The following MED27 variants were observed in gnomAD, a reference collection of about 807,000 sequenced individuals.
MED27 encodes mediator complex subunit 27.
MED27 carries 30 observed loss-of-function variants against 38.2 expected under a neutral mutation model. The ratio of observed to expected loss-of-function variants is 0.79; its 90% CI spans 0.59 to 1.07. The LOEUF (loss-of-function observed/expected upper bound fraction) is 1.07, where lower values mean the gene tolerates loss of function less well. MED27 is among the 50% of genes least tolerant of loss of function. The pLI is 0.00. For synonymous variants in MED27, 122 were observed against 153.5 expected, an observed-to-expected ratio of 0.79 and a Z score of 1.52; for missense variants, 289 against 397.5, an observed-to-expected ratio of 0.73 and a Z score of 2.32.
chr9:131,994,396 TA>T lies in MED27; in HGVS notation c.479+19940del, dbSNP rs1832046605. On this transcript the variant is annotated intron_variant, in intron 3 of 7. Transcript: ENST00000292035. ...GCCTCCCCCACCCCCAATACTGCAT[TA>T]AAAACCAATATTGCATCCCAGGGCA... is the stretch of plus-strand genomic sequence containing the variant. Among the ~76,000 whole-genome samples the T allele has an allele frequency of 1.2e-4, 18 of 152,226 alleles. No homozygotes were observed. The South Asian group carries it at 3.3e-3, about 28-fold the overall frequency.
At chr9:131,974,511 A>C (rs1288208215) in intron 3 of MED27, among the ~76,000 whole-genome samples, 2 of 152,182 alleles carry the variant, frequency 1.3e-5, no homozygotes, top group Non-Finnish European at 2.9e-5. Context: ...GTGTTTTCAG[A>C]GTGAGAAGGG....
At chr9:131,964,928 T>C (rs1223531977) in intron 3 of MED27, among the ~76,000 whole-genome samples, 1 of 152,264 alleles carries the variant, frequency 6.6e-6, no homozygotes, top group Non-Finnish European at 1.5e-5. Flanking sequence ...TGTATTTACA[T>C]GCCTACACCT....
chr9:131,939,579 A>G, intron 3 of MED27, 105 bp from the exon 4 acceptor site: 1 of 630,552 alleles, frequency 1.6e-6, no homozygotes, highest in Non-Finnish European at 2.5e-6. Flanking sequence ...TTAAATCAAT[A>G]TAACACATTT....
At chr9:132,015,548 C>G (rs1031352894) in intron 2 of MED27, among the ~76,000 whole-genome samples, 11 of 152,218 alleles carry the variant, frequency 7.2e-5, no homozygotes, top group African/African-American at 2.4e-4. Context: ...ATGTATATAC[C>G]TGTATAACTA....
chr9:131,948,820 A>G (rs1830933677), intron 3 of MED27, among the ~76,000 whole-genome samples: 1 of 152,210 alleles, frequency 6.6e-6, no homozygotes, highest in Non-Finnish European at 1.5e-5. Flanking sequence ...GCAGCAGTAG[A>G]TGGGGAGCTT....
intron 3 of MED27, among the ~76,000 whole-genome samples, chr9:131,947,259 C>T (rs961760543): frequency 1.3e-5 from 2 of 152,140 alleles, no homozygotes; most frequent in Admixed American, 1.3e-4. Flanking sequence ...CAACAGCAAC[C>T]AGAGAACTCC....
At chr9:132,039,551 G>A (rs1833161808) in intron 2 of MED27, among the ~76,000 whole-genome samples, 1 of 152,190 alleles carries the variant, frequency 6.6e-6, no homozygotes. Flanking sequence ...CGAAAAGAAG[G>A]TTGGGTCTCA....
intron 2 of MED27, among the ~76,000 whole-genome samples, chr9:132,034,824 T>C (rs1833040176): frequency 6.6e-6 from 1 of 152,166 alleles, no homozygotes; most frequent in African/African-American, 2.4e-5. Flanking sequence ...TAGGTCTTCA[T>C]TATAAAACAT....
intron 3 of MED27, among the ~76,000 whole-genome samples, chr9:131,964,740 A>T (rs2131004062): frequency 6.6e-6 from 1 of 152,358 alleles, no homozygotes; most frequent in East Asian, 1.9e-4. Flanking sequence ...TGGAAGGCAT[A>T]ATGTTTAAGC....
At chr9:131,896,655 CA>C (rs1829837344) in intron 4 of MED27, among the ~76,000 whole-genome samples, 1 of 152,066 alleles carries the variant, frequency 6.6e-6, no homozygotes. Flanking sequence ...TACTTCCTTT[CA>C]ATCATTTTAT....
rs561264763 is a variant in MED27 at position 131,954,296 on chromosome 9, G to A, written c.480-14822C>T. ...GGGAATGTGTGATGTGAGCACAGGAGGAGGGCCTCCTTGATAGAAAATGTC... is the reference window on the plus strand; with the variant it reads ...GGGAATGTGTGATGTGAGCACAGGAAGAGGGCCTCCTTGATAGAAAATGTC... On this transcript the variant is annotated intron_variant, in intron 3 of 7. Coordinates refer to ENST00000292035, the MANE Select transcript of MED27 (RefSeq NM_004269.4). Among the ~76,000 whole-genome samples the A allele has an allele frequency of 6.6e-5, 10 of 152,258 alleles. No individual in the cohort carries two copies. The East Asian group carries it at 1.5e-3, about 24-fold the overall frequency.
chr9:132,050,747 C>T (rs1043492116), intron 2 of MED27, among the ~76,000 whole-genome samples: 6 of 152,178 alleles, frequency 3.9e-5, no homozygotes, highest in Non-Finnish European at 7.3e-5. Context: ...TGCCCCCAAC[C>T]CCATCAAAGG....
Position 131,860,853 on chromosome 9 carries a change from G to A in MED27, c.802-181C>T, listed in dbSNP as rs1299025684. On this transcript the variant is annotated intron_variant, in intron 7 of 7. Coordinates refer to ENST00000292035, the MANE Select transcript of MED27 (RefSeq NM_004269.4). This position sits in a 1 kb window ranked among gnomAD's most constrained non-coding sequence, Gnocchi z 5.8. ...AGGTCACCTGACTGCTGATGTTCAC[G>A]TCTGATGCTCGCGTGCCCCTCCTAA... Among the ~76,000 whole-genome samples the A allele has an allele frequency of 5.9e-5, 9 of 152,134 alleles. No homozygotes were observed. Among genetic ancestry groups the A allele is most frequent in the South Asian group, 2.1e-4 (1 of 4,826 alleles).
intron 3 of MED27, among the ~76,000 whole-genome samples, chr9:131,986,151 C>A (rs941472731): frequency 6.6e-6 from 1 of 152,052 alleles, no homozygotes; most frequent in Non-Finnish European, 1.5e-5. Context: ...TAATTTATTA[C>A]GGAAGAAAAA....
intron 4 of MED27, among the ~76,000 whole-genome samples, chr9:131,907,791 G>A (rs1342778969): frequency 2.0e-5 from 3 of 151,284 alleles, no homozygotes; most frequent in South Asian, 2.1e-4. Flanking sequence ...CTTCCCGGCC[G>A]CCATCACATC....
At chr9:131,987,926 G>A (rs1403909796) in intron 3 of MED27, among the ~76,000 whole-genome samples, 1 of 152,216 alleles carries the variant, frequency 6.6e-6, no homozygotes, top group Non-Finnish European at 1.5e-5. Context: ...AGAGTCTCCA[G>A]TTCCACAAAG....
At chr9:131,869,762 C>T (rs1589170320) in intron 6 of MED27, among the ~76,000 whole-genome samples, 1 of 152,242 alleles carries the variant, frequency 6.6e-6, no homozygotes, top group East Asian at 1.9e-4. Flanking sequence ...AGGGGTTTCA[C>T]TGGGAGGCGC....
intron 2 of MED27, among the ~76,000 whole-genome samples, chr9:132,020,630 T>C (rs759444843): frequency 6.6e-6 from 1 of 152,216 alleles, no homozygotes; most frequent in East Asian, 1.9e-4. Context: ...TTCCAGCTAA[T>C]GAGAAAGAAT....
chr9:132,067,568 T>G (rs570677252), intron 2 of MED27, among the ~76,000 whole-genome samples: 9 of 152,126 alleles, frequency 5.9e-5, no homozygotes, highest in Non-Finnish European at 1.3e-4. Flanking sequence ...GCAGGGAAAG[T>G]GGGGAGAGAG....
Sources: allele counts gnomAD v4.1 joint callset (sites outside exome capture counted in the v4.1 genomes callset), GRCh38; gene constraint gnomAD v4.1.1; non-coding constraint Gnocchi (gnomAD v3.1); transcripts MANE v1.5; gene names NCBI Gene and HGNC (gene_info 2026-07-23, HGNC 2026-07-21).